PEAK1: variants seen among roughly 807,000 people sequenced by gnomAD.
PEAK1 encodes inactive tyrosine-protein kinase PEAK1.
PEAK1 carries 54 observed loss-of-function variants against 124.7 expected under a neutral mutation model. That is an observed-to-expected ratio of 0.43 (90% CI 0.35 to 0.54). PEAK1 has a LOEUF of 0.54. Ranked by LOEUF, PEAK1 falls within the 20% of genes least tolerant of loss-of-function variation. The probability of loss-of-function intolerance (pLI) is 0.01; values close to 1 mark genes in which losing one functional copy is unlikely to be tolerated. For synonymous variants in PEAK1, 719 were observed against 760.0 expected, an observed-to-expected ratio of 0.95 and a Z score of 0.89; for missense variants, 2,046 against 2,134.5, an observed-to-expected ratio of 0.96 and a Z score of 0.82.
intron 2 of PEAK1, chr15:77,333,956 A>G (rs1322912087): frequency 2.5e-6 from 1 of 402,082 alleles, no homozygotes; most frequent in African/African-American, 2.2e-5. Context: ...AAAAATGTTA[A>G]TTAGATTTTG....
At chr15:77,119,441 A>C (rs959294602) in intron 9 of PEAK1, among the ~76,000 whole-genome samples, 1 of 152,258 alleles carries the variant, frequency 6.6e-6, no homozygotes, top group Non-Finnish European at 1.5e-5. Flanking sequence ...CATTCAAACA[A>C]GTATCTCATG....
intron 2 of PEAK1, among the ~76,000 whole-genome samples, chr15:77,310,912 G>A (rs1194264389): frequency 6.6e-6 from 1 of 152,172 alleles, no homozygotes; most frequent in Non-Finnish European, 1.5e-5. Context: ...AAAACCCAAT[G>A]AGGCTTGAGA....
chr15:77,180,083 G>A lies in PEAK1; in HGVS notation c.1844C>T (p.Thr615Ile). 1 of 1,614,044 alleles carries A rather than the reference G, an allele frequency of 6.2e-7. No homozygotes were observed. The highest frequency in any genetic ancestry group is 8.5e-7 in the Non-Finnish European group (1 of 1,179,936). Residue 615 changes from threonine (T) to isoleucine (I), a missense_variant, in exon 7 of 10, where the codon ACT (threonine) becomes ATT (isoleucine). Physicochemically the swap from Thr to Ile is moderately conservative, Grantham distance 89. Coordinates refer to ENST00000682557, the MANE Select transcript of PEAK1 (RefSeq NM_001385026.1). ...AGCATTTTTGGAACTCCGAGCATAA[G>A]TTGGCTCGTCATGAATGATAATTGG... Reference protein sequence around the residue: ...PFPIIIHDEPTYARSSKNAIK... With the variant: ...PFPIIIHDEPIYARSSKNAIK...
At chr15:77,297,908 A>AT (rs1463803956) in intron 2 of PEAK1, among the ~76,000 whole-genome samples, 1 of 149,980 alleles carries the variant, frequency 6.7e-6, no homozygotes. Context: ...AATACAAAAA[A>AT]TTAGCCGGGC....
intron 6 of PEAK1, among the ~76,000 whole-genome samples, chr15:77,194,569 T>C (rs1029132021): frequency 2.6e-5 from 4 of 152,190 alleles, no homozygotes; most frequent in Non-Finnish European, 5.9e-5. Context: ...TAGAATTAAC[T>C]GCTCCCTTCC....
chr15:77,245,510 C>G (rs535023048), intron 6 of PEAK1, among the ~76,000 whole-genome samples: 13 of 152,232 alleles, frequency 8.5e-5, no homozygotes, highest in African/African-American at 3.1e-4. Context: ...ACTATCCTGG[C>G]CAACATGATG....
rs368845438 is a variant in PEAK1, at chr15:77,146,806, T to C, written c.3331+11697A>G. Reference sequence around the variant, plus strand: ...GCTCAATAATTATTTGTTGAGGAAATGAGTGAATGATAATGTAATCCTCAG... The same window carrying C: ...GCTCAATAATTATTTGTTGAGGAAACGAGTGAATGATAATGTAATCCTCAG... On this transcript the variant is annotated intron_variant, in intron 8 of 9. Transcript: ENST00000682557. Among the ~76,000 whole-genome samples, 6 of 152,308 alleles carry C rather than the reference T, an allele frequency of 3.9e-5. No homozygotes were observed. The East Asian group carries it at 7.7e-4, about 20-fold the overall frequency.
chr15:77,175,834 C>T (rs1829557201), intron 7 of PEAK1, among the ~76,000 whole-genome samples: 1 of 152,132 alleles, frequency 6.6e-6, no homozygotes, highest in Non-Finnish European at 1.5e-5. Context: ...TTCACAATAG[C>T]AAAGACTTGG....
chr15:77,104,378 G>GAGGT (rs1293980281), downstream of PEAK1: 3 of 152,560 alleles, frequency 2.0e-5, no homozygotes, highest in Admixed American at 1.3e-4. Flanking sequence ...CACGAGAAGG[G>GAGGT]AGGTGCACAC....
intron 5 of PEAK1, among the ~76,000 whole-genome samples, chr15:77,262,718 C>T (rs906405338): frequency 3.4e-4 from 51 of 151,980 alleles, no homozygotes; most frequent in African/African-American, 1.1e-3. Context: ...AACAAGGATA[C>T]GCAGGAATTG....
At chr15:77,159,135 G>A (rs2055409783) in intron 7 of PEAK1, among the ~76,000 whole-genome samples, 2 of 151,938 alleles carry the variant, frequency 1.3e-5, no homozygotes, top group African/African-American at 4.8e-5. Context: ...ATAGTATTTA[G>A]TACACACTTT....
chr15:77,118,974 A>G (rs2051645392), intron 9 of PEAK1, among the ~76,000 whole-genome samples: 1 of 152,264 alleles, frequency 6.6e-6, no homozygotes, highest in South Asian at 2.1e-4. Context: ...CCACAGTGAC[A>G]CTAGAGGGAG....
intron 8 of PEAK1, among the ~76,000 whole-genome samples, chr15:77,136,857 G>A (rs1462467367): frequency 6.6e-6 from 1 of 152,190 alleles, no homozygotes; most frequent in Non-Finnish European, 1.5e-5. Flanking sequence ...TTTCTCCAGG[G>A]CATGTCAACG....
rs1365855157 is a variant in PEAK1, at chr15:77,403,606, A to G, written c.-666+16400T>C. On this transcript the variant is annotated intron_variant, in intron 1 of 9. Coordinates refer to ENST00000682557, the MANE Select transcript of PEAK1 (RefSeq NM_001385026.1). ...AGTCTAATATTTATTGGATGTTCAT[A>G]TATCATACCCTATACTAAGTTCTGG... 1.2e-5 allele frequency: 11 copies of G among 931,620 alleles called. No homozygotes were observed. The African/African-American group carries it at 1.6e-4, about 14-fold the overall frequency. The allele number at this position is 931,620 out of a possible 1,614,324, so 57.7% of individuals were successfully genotyped here. A position where few individuals can be genotyped will look rare whatever the true frequency, so the allele number is the denominator to read the frequency against.
chr15:77,268,637 G>A (rs2061864950), intron 5 of PEAK1, among the ~76,000 whole-genome samples: 1 of 152,010 alleles, frequency 6.6e-6, no homozygotes, highest in African/African-American at 2.4e-5. Flanking sequence ...TAGGGATCTA[G>A]ACATCCAAAT....
chr15:77,214,988 A>AATGGTGAGTGGCTTAACTTTAT (rs2059083675), intron 6 of PEAK1, among the ~76,000 whole-genome samples: 1 of 152,174 alleles, frequency 6.6e-6, no homozygotes, highest in Non-Finnish European at 1.5e-5. Flanking sequence ...TGCTAGGTCA[A>AATGGTGAGTGGCTTAACTTTAT]ATGGTGAGTG....
chr15:77,350,684 C>T (rs1272842902), intron 2 of PEAK1: 2 of 984,522 alleles, frequency 2.0e-6, no homozygotes, highest in African/African-American at 3.5e-5. Context: ...CAGTTCCCTA[C>T]AGCTTCCTCA....
At chr15:77,275,192 AAGACTACACATTGGGTAC>A (rs1201395882) in intron 5 of PEAK1, among the ~76,000 whole-genome samples, 1 of 152,182 alleles carries the variant, frequency 6.6e-6, no homozygotes, top group Non-Finnish European at 1.5e-5. Context: ...TGAGGGATAA[AAGACTACACATTGGGTAC>A]AGCGTGTACT....
At chr15:77,267,070 CG>C (rs1175714054) in intron 5 of PEAK1, among the ~76,000 whole-genome samples, 2 of 152,092 alleles carry the variant, frequency 1.3e-5, no homozygotes, top group Non-Finnish European at 2.9e-5. Context: ...CTCTGGCTGC[CG>C]GCATTCTCCA....
Sources: gnomAD v4.1 joint callset for allele counts (sites outside exome capture counted in the v4.1 genomes callset) on GRCh38, gnomAD v4.1.1 for gene constraint, MANE v1.5 for transcripts, NCBI Gene and HGNC (gene_info 2026-07-23, HGNC 2026-07-21) for gene names.